Variants in TCF3 observed in about 807,000 individuals in gnomAD.
TCF3 encodes the protein transcription factor E2-alpha.
In TCF3, 54 loss-of-function variants were observed where a neutral mutation model predicts 72.3. That is an observed-to-expected ratio of 0.75 (90% CI 0.60 to 0.94). The LOEUF (loss-of-function observed/expected upper bound fraction) is 0.94, where lower values mean the gene tolerates loss of function less well. TCF3 is among the 40% of genes least tolerant of loss of function. The pLI is 0.00. For synonymous variants in TCF3, 525 were observed against 412.6 expected (o/e 1.27, Z -3.30); for missense variants, 1,078 against 934.4 (o/e 1.15, Z -2.00).
At chr19:1,646,650 G>A (rs539775549) in intron 2 of TCF3, among the ~76,000 whole-genome samples, 6 of 152,288 alleles carry the variant, frequency 3.9e-5, no homozygotes, top group Non-Finnish European at 7.4e-5. Context: ...CACGCCCAGA[G>A]TGAGAAAACT....
chr19:1,638,799 C>T (rs925458680), intron 3 of TCF3, among the ~76,000 whole-genome samples: 7 of 152,206 alleles, frequency 4.6e-5, no homozygotes, highest in Non-Finnish European at 1.0e-4. Flanking sequence ...CTTCAGAAAA[C>T]ACACACCGGG....
chr19:1,631,985 C>G (rs962631279), intron 5 of TCF3, 53 bp downstream of exon 5: 2 of 1,591,124 alleles, frequency 1.3e-6, no homozygotes, highest in African/African-American at 1.3e-5. Context: ...TGCCAAGGCC[C>G]ACGTCTGCAC....
chr19:1,651,804 C>A (rs377727265), intron 1 of TCF3, among the ~76,000 whole-genome samples: 16 of 151,736 alleles, frequency 1.1e-4, no homozygotes, highest in African/African-American at 1.7e-4. Context: ...CGCGCGCCCC[C>A]CCCCGGCCCG....
chr19:1,625,230 G>A (rs1380941384), intron 7 of TCF3, among the ~76,000 whole-genome samples: 1 of 152,226 alleles, frequency 6.6e-6, no homozygotes, highest in Admixed American at 6.5e-5. Context: ...GCCTCGCGGG[G>A]GATGCCCGCG....
rs1404870660 is a variant in TCF3, at chr19:1,610,250, C to G, written c.*1457G>C. On this transcript the variant is annotated 3_prime_UTR_variant, in exon 19 of 19. Transcript: ENST00000262965. ...CACAGCCCAAGGCCTTCGTGGGGCTCAGACCAGCACAGTCCCCCGGCTCCA... is the reference window on the plus strand; with the variant it reads ...CACAGCCCAAGGCCTTCGTGGGGCTGAGACCAGCACAGTCCCCCGGCTCCA... 4.3e-6 allele frequency: 1 copy of G among 232,028 alleles called. No individual in the cohort carries two copies. Among genetic ancestry groups the G allele is most frequent in the East Asian group, 6.1e-5 (1 of 16,436 alleles). 14.4% of individuals were successfully genotyped at this position (232,028 alleles called of 1,614,324 possible).
intron 3 of TCF3, among the ~76,000 whole-genome samples, chr19:1,643,735 G>A (rs1397458973): frequency 6.6e-6 from 1 of 152,216 alleles, no homozygotes; most frequent in Non-Finnish European, 1.5e-5. Context: ...CGAAGAACAG[G>A]CAGACCCTTC....
At position 1,619,801 on chromosome 19, in the gene TCF3, G is replaced by A. The variant is rs547660203; in HGVS notation, c.1146C>T (p.Tyr382=). 2.5e-5 allele frequency: 39 copies of A among 1,564,236 alleles called. No individual in the cohort carries two copies. In the East Asian group the frequency reaches 7.0e-4, roughly 28 times the overall value. Residue 382 remains tyrosine, a synonymous_variant, in exon 14 of 19, where the codon TAC becomes TAT. Coordinates refer to ENST00000262965, the MANE Select transcript of TCF3 (RefSeq NM_003200.5). ...TCACCAGGCCGTGGAGACCCCCGTCGTAGCTGGGCGATAAGGCACCGGGGG... is the reference window on the plus strand; with the variant it reads ...TCACCAGGCCGTGGAGACCCCCGTCATAGCTGGGCGATAAGGCACCGGGGG... ...AGAPGALSPS[Y]DGGLHGLQSK...
chr19:1,619,894 G>A (rs761057553), intron 13 of TCF3, 41 bp from the exon 14 acceptor site: 2 of 1,509,162 alleles, frequency 1.3e-6, no homozygotes, highest in African/African-American at 1.4e-5. Context: ...CGAGGGGCGG[G>A]GTGTGAGCAT....
At position 1,619,816 on chromosome 19, in the gene TCF3, G is replaced by A; in HGVS notation, c.1131C>T (p.Ala377=). The A allele has an allele frequency of 6.3e-7, 1 of 1,575,966 alleles. No individual in the cohort carries two copies. The highest frequency in any genetic ancestry group is 1.2e-5 in the South Asian group (1 of 85,714). The change falls in exon 14 of 19, where the codon GCC becomes GCT. Residue 377 remains alanine, a synonymous_variant. Coordinates refer to ENST00000262965, the MANE Select transcript of TCF3 (RefSeq NM_003200.5). ...GACCCCCGTCGTAGCTGGGCGATAA[G>A]GCACCGGGGGCTCCTGCTCGAGGCC... ...SQWPRAGAPG[A]LSPSYDGGLH... is the part of the protein sequence containing the mutation.
chr19:1,611,806 T>C lies in TCF3; in HGVS notation c.1866A>G (p.Glu622=). The C allele has an allele frequency of 6.2e-7, 1 of 1,613,562 alleles. No homozygotes were observed. Among genetic ancestry groups the C allele is most frequent in the Non-Finnish European group, 8.5e-7 (1 of 1,179,904 alleles). Residue 622 remains glutamate (E), a synonymous_variant, in exon 19 of 19, where the codon GAA becomes GAG. Transcript: ENST00000262965. ...CAACCACACCTGACACCTTTTCCTCTTCTCGCCGTTTCAAACAGGCTGCTT... is the reference window on the plus strand; with the variant it reads ...CAACCACACCTGACACCTTTTCCTCCTCTCGCCGTTTCAAACAGGCTGCTT... The part of the protein sequence containing the change: ...NPKAACLKRR[E]EEKVSGVVGD...
intron 2 of TCF3, 137 bp from the exon 3 acceptor site, chr19:1,646,564 T>C: frequency 1.4e-6 from 1 of 735,520 alleles, no homozygotes; most frequent in Non-Finnish European, 2.3e-6. Context: ...GCCCGGCCCG[T>C]CCTGCTCCGC....
intron 1 of TCF3, among the ~76,000 whole-genome samples, 198 bp downstream of exon 1, chr19:1,652,102 C>T (rs1241692105): frequency 6.7e-6 from 1 of 149,700 alleles, no homozygotes; most frequent in Non-Finnish European, 1.5e-5. Context: ...GCTCCGGGCT[C>T]CTCCACGTCG....
At position 1,632,351 on chromosome 19, in the gene TCF3, G is replaced by A; in HGVS notation, c.200C>T (p.Ser67Phe). 1 of 1,591,054 alleles carries A rather than the reference G, an allele frequency of 6.3e-7. No individual in the cohort carries two copies. The highest frequency in any genetic ancestry group is 1.3e-5 in the African/African-American group (1 of 74,750). ...TCCTACCCGGCTGGGGTCAAAGGAG[G>A]AGCTGCTCTGGTCGCCGCTGCCCCA... ...GSWGSGDQSS[S>F]SFDPSRTFSE... Residue 67 changes from serine to phenylalanine, a missense_variant, in exon 4 of 19, where the codon TCC becomes TTC. By Grantham distance (155) the Ser-to-Phe change is radical. Transcript: ENST00000262965.
Position 1,614,352 on chromosome 19 carries a change from G to T in TCF3, c.1822+933C>A, listed in dbSNP as rs754967378. The stretch of plus-strand genomic sequence containing the variant: ...TTTCTTCCCGCAAGCCCTGACGGGG[G>T]GCTTTGGGGGAGGAAACGCCCTGAG... On this transcript the variant is annotated intron_variant, in intron 18 of 18. Transcript: ENST00000262965. The surrounding 1 kb of genome is among the most constrained non-coding windows in gnomAD (Gnocchi z 5.6). 6.6e-6 allele frequency among the ~76,000 whole-genome samples: 1 copy of T among 152,182 alleles called. No individual in the cohort carries two copies. Among genetic ancestry groups the T allele is most frequent in the Non-Finnish European group, 1.5e-5 (1 of 68,034 alleles).
chr19:1,621,255 C>T (rs1206406558), intron 11 of TCF3, 64 bp from the exon 12 acceptor site: 1 of 1,502,078 alleles, frequency 6.7e-7, no homozygotes, highest in African/African-American at 1.4e-5. Flanking sequence ...ACGGCAAGCT[C>T]TCCTGCGTTC....
chr19:1,643,194 C>T (rs2145485239), intron 3 of TCF3, among the ~76,000 whole-genome samples: 1 of 152,276 alleles, frequency 6.6e-6, no homozygotes, highest in African/African-American at 2.4e-5. Context: ...ATCTTGGTTT[C>T]CTATTCGTTA....
At position 1,615,934 on chromosome 19, in the gene TCF3, C is replaced by A; in HGVS notation, c.1451-113G>T. The A allele has an allele frequency of 7.4e-7, 1 of 1,357,988 alleles. No homozygotes were observed. The highest frequency in any genetic ancestry group is 9.7e-7 in the Non-Finnish European group (1 of 1,028,844). 84.1% of individuals were successfully genotyped at this position (1,357,988 alleles called of 1,614,324 possible). On this transcript the variant is annotated intron_variant, in intron 16 of 18. Transcript: ENST00000262965. This position sits in a 1 kb window ranked among gnomAD's most constrained non-coding sequence, Gnocchi z 7.3. ...CTTTCCTGGAAAAACCAGGTCTTGG[C>A]CAAAAATAAAAACAAAAAACCAACA...
intron 6 of TCF3, among the ~76,000 whole-genome samples, chr19:1,626,686 G>C: frequency 6.6e-6 from 1 of 152,152 alleles, no homozygotes; most frequent in Non-Finnish European, 1.5e-5. Flanking sequence ...AAATGGGCAC[G>C]TAGGCCGCGG....
chr19:1,643,360 C>T (rs939556987), intron 3 of TCF3, among the ~76,000 whole-genome samples: 3 of 151,708 alleles, frequency 2.0e-5, no homozygotes, highest in Non-Finnish European at 4.4e-5. Flanking sequence ...AGCTGGGACC[C>T]CAAGTGTGCG....
Sources: allele counts gnomAD v4.1 joint callset (sites outside exome capture counted in the v4.1 genomes callset), GRCh38; gene constraint gnomAD v4.1.1; non-coding constraint Gnocchi (gnomAD v3.1); transcripts MANE v1.5; gene names NCBI Gene and HGNC (gene_info 2026-07-23, HGNC 2026-07-21).